IBTK: variants seen among roughly 807,000 people sequenced by gnomAD.
The protein encoded by IBTK is BTK-binding protein.
Under a neutral mutation model 154.9 loss-of-function variants are expected in IBTK, and 83 were observed. The observed-to-expected ratio is 0.54, with a 90% CI of 0.45 to 0.64. The LOEUF (loss-of-function observed/expected upper bound fraction) is 0.64, where lower values mean the gene tolerates loss of function less well. Ranked by LOEUF, IBTK falls within the 30% of genes least tolerant of loss-of-function variation. The pLI is 0.00. For missense variants in IBTK, 1,332 were observed against 1,584.6 expected (o/e 0.84, Z 2.71); for synonymous variants, 515 against 536.1 (o/e 0.96, Z 0.54).
At chr6:82,208,355 A>G (rs1769492031) in intron 16 of IBTK, among the ~76,000 whole-genome samples, 1 of 152,190 alleles carries the variant, frequency 6.6e-6, no homozygotes, top group African/African-American at 2.4e-5. Context: ...AGACAGAACT[A>G]TAAAACTCTT....
At chr6:82,236,562 A>G (rs543402) in intron 2 of IBTK, among the ~76,000 whole-genome samples, 111,000 of 152,122 alleles carry the variant, frequency 0.73, 40,933 homozygotes, top group East Asian at 0.96. Flanking sequence ...CAAAAGAGCT[A>G]CATAAGATAA....
chr6:82,240,837 G>C lies in IBTK; in HGVS notation c.-351C>G. ...CCCTTTTAAATATCCATAATTGCAA[G>C]GGTGACCTATAAGAGAAAGAGAAGA... On this transcript the variant is annotated 5_prime_UTR_variant, in exon 2 of 29. Transcript: ENST00000306270. The C allele has an allele frequency of 2.4e-6, 1 of 410,952 alleles. No individual in the cohort carries two copies. Among genetic ancestry groups the C allele is most frequent in the Non-Finnish European group, 4.3e-6 (1 of 233,930 alleles). The allele number at this position is 410,952 out of a possible 1,614,324, so 25.5% of individuals were successfully genotyped here. A position where few individuals can be genotyped will look rare whatever the true frequency, so the allele number is the denominator to read the frequency against.
intron 27 of IBTK, 76 bp from the exon 28 acceptor site, chr6:82,172,588 T>C: frequency 1.5e-6 from 2 of 1,337,058 alleles, no homozygotes; most frequent in East Asian, 2.5e-5. Flanking sequence ...AAATACTTTT[T>C]AGCAATGCTA....
intron 21 of IBTK, among the ~76,000 whole-genome samples, chr6:82,199,007 T>TA (rs546516205): frequency 0.01 from 1,509 of 148,030 alleles, 18 homozygotes; most frequent in African/African-American, 0.033. Context: ...TTGTTAATGT[T>TA]AAAAAAAAAA....
In IBTK at chr6:82,191,866, G is replaced by A. The variant is rs1375885876; in HGVS notation, c.3352C>T (p.Pro1118Ser). The change falls in exon 24 of 29, where the codon CCT becomes TCT. Residue 1118 changes from proline to serine, a missense_variant. Pro to Ser is a moderately conservative substitution (Grantham distance 74). This residue lies in a region of IBTK where 1,134 missense variants were observed against 1,274.7 expected (regional missense o/e 0.89). Transcript: ENST00000306270. ...VAGSFSPVSPPVVDLRTIMEI... is the reference protein window; with the variant it reads ...VAGSFSPVSPSVVDLRTIMEI... ...ATGATAGTTCTGAGATCCACAACAG[G>A]AGGGCTGACAGGACTAAAAGACATA... The A allele has an allele frequency of 2.5e-6, 4 of 1,608,698 alleles. No homozygotes were observed. The highest frequency in any genetic ancestry group is 1.3e-5 in the African/African-American group (1 of 74,728).
At position 82,173,379 on chromosome 6, in the gene IBTK, AG is replaced by A; in HGVS notation, c.3784del (p.Leu1262Ter). The part of the protein sequence containing the change: ...EGNHISDLPL[L>X]DSPNPWLSSS... ...CAATTAACCTTACTTGGGACTGTCTAGAAGTGGTAAATCTGAAATATGGTTG... is the reference window on the plus strand; with the variant it reads ...CAATTAACCTTACTTGGGACTGTCTAAAGTGGTAAATCTGAAATATGGTTG... On this transcript the variant is annotated frameshift_variant, in exon 27 of 29. Coordinates refer to ENST00000306270, the MANE Select transcript of IBTK (RefSeq NM_015525.4). LOFTEE classifies it high-confidence loss of function. 1.2e-6 allele frequency: 2 copies of A among 1,612,996 alleles called. No individual in the cohort carries two copies. Among genetic ancestry groups the A allele is most frequent in the Non-Finnish European group, 1.7e-6 (2 of 1,179,058 alleles).
chr6:82,181,705 G>A (rs1023244601), intron 26 of IBTK, among the ~76,000 whole-genome samples, 174 bp downstream of exon 26: 16 of 151,964 alleles, frequency 1.1e-4, no homozygotes, highest in African/African-American at 2.9e-4. Context: ...CTCCGTAACC[G>A]TTTCAATTTT....
intron 26 of IBTK, among the ~76,000 whole-genome samples, chr6:82,175,758 A>C (rs1394226545): frequency 6.6e-6 from 1 of 152,158 alleles, no homozygotes; most frequent in Non-Finnish European, 1.5e-5. Context: ...GGCCAGGTGC[A>C]GTGGCTCACG....
intron 2 of IBTK, among the ~76,000 whole-genome samples, chr6:82,238,930 C>T (rs895532979): frequency 2.1e-4 from 31 of 150,674 alleles, no homozygotes; most frequent in African/African-American, 6.6e-4. Flanking sequence ...GTAGAGATGG[C>T]GTTTTACTAT....
chr6:82,195,055 A>T (rs1198722884), intron 22 of IBTK, among the ~76,000 whole-genome samples: 1 of 152,214 alleles, frequency 6.6e-6, no homozygotes, highest in African/African-American at 2.4e-5. Flanking sequence ...TGTGAATAAA[A>T]TTAAAGTCAA....
chr6:82,198,314 T>G (rs1369289878), intron 21 of IBTK, among the ~76,000 whole-genome samples: 1 of 152,150 alleles, frequency 6.6e-6, no homozygotes, highest in African/African-American at 2.4e-5. Context: ...TTCTAAACAC[T>G]AACGGTAATT....
Position 82,169,993 on chromosome 6 carries a change from CA to C in IBTK, c.*1431del, listed in dbSNP as rs1767876786. 6.6e-6 allele frequency: 1 copy of C among 152,176 alleles called. No individual in the cohort carries two copies. Among genetic ancestry groups the C allele is most frequent in the Admixed American group, 6.5e-5 (1 of 15,274 alleles). 9.4% of individuals were successfully genotyped at this position (152,176 alleles called of 1,614,324 possible). On this transcript the variant is annotated 3_prime_UTR_variant, in exon 29 of 29. Transcript: ENST00000306270. ...AAGCTTCAAATGAAATCAATTACTT[CA>C]AAAGGCTTCTTTACTGCAACATCAA...
At chr6:82,212,011 T>C (rs1328863515) in intron 13 of IBTK, among the ~76,000 whole-genome samples, 1 of 152,132 alleles carries the variant, frequency 6.6e-6, no homozygotes, top group Non-Finnish European at 1.5e-5. Flanking sequence ...TTTTTTTTCT[T>C]TGAAACGGGG....
intron 2 of IBTK, among the ~76,000 whole-genome samples, chr6:82,234,860 G>A (rs1466901128): frequency 6.6e-6 from 1 of 151,750 alleles, no homozygotes; most frequent in Non-Finnish European, 1.5e-5. Context: ...AACTACATGT[G>A]AACTTTTTTT....
chr6:82,184,350 T>C (rs768275144), intron 25 of IBTK, among the ~76,000 whole-genome samples: 1 of 152,216 alleles, frequency 6.6e-6, no homozygotes, highest in Non-Finnish European at 1.5e-5. Context: ...AGCTTTAAAA[T>C]ATTAAATAAT....
At chr6:82,187,104 C>T (rs761093163) in intron 25 of IBTK, among the ~76,000 whole-genome samples, 3 of 151,840 alleles carry the variant, frequency 2.0e-5, no homozygotes, top group Non-Finnish European at 2.9e-5. Flanking sequence ...TTAGTAGAGA[C>T]GGGGTTTTTC....
chr6:82,233,306 G>A (rs1053976159), intron 3 of IBTK, among the ~76,000 whole-genome samples: 2 of 152,056 alleles, frequency 1.3e-5, no homozygotes, highest in African/African-American at 4.8e-5. Context: ...CAGCCTGACT[G>A]ACAAAGCGAG....
intron 21 of IBTK, among the ~76,000 whole-genome samples, chr6:82,199,448 C>G (rs1395290591): frequency 6.6e-6 from 1 of 152,062 alleles, no homozygotes; most frequent in Admixed American, 6.6e-5. Flanking sequence ...TTTAGAAAAA[C>G]TACATAACCT....
chr6:82,172,295 A>G (rs1292446819), intron 28 of IBTK, 85 bp downstream of exon 28: 5 of 1,415,634 alleles, frequency 3.5e-6, no homozygotes, highest in Non-Finnish European at 4.8e-6. Context: ...GCACCTGTCC[A>G]AAACAAACAA....
Sources: gnomAD v4.1 joint callset for allele counts (sites outside exome capture counted in the v4.1 genomes callset) on GRCh38, gnomAD v4.1.1 for gene constraint, gnomAD v4.1.1 regional missense constraint, MANE v1.5 for transcripts, NCBI Gene and HGNC (gene_info 2026-07-23, HGNC 2026-07-21) for gene names.